The following WDR70 variants were observed in gnomAD, a reference collection of about 807,000 sequenced individuals.
The protein encoded by WDR70 is WD repeat domain 70.
In WDR70, 53 loss-of-function variants were observed where a neutral mutation model predicts 88.6. The ratio of observed to expected loss-of-function variants is 0.60; its 90% CI spans 0.48 to 0.75. The LOEUF (loss-of-function observed/expected upper bound fraction) is 0.75, where lower values mean the gene tolerates loss of function less well. WDR70 is among the 30% of genes least tolerant of loss of function. WDR70 has a pLI of 0.00. For synonymous variants in WDR70, 280 were observed against 270.0 expected (o/e 1.04, Z -0.36); for missense variants, 610 against 823.2 (o/e 0.74, Z 3.17).
intron 7 of WDR70, among the ~76,000 whole-genome samples, chr5:37,448,521 A>G (rs1738569855): frequency 6.6e-6 from 1 of 152,216 alleles, no homozygotes; most frequent in Admixed American, 6.5e-5. Context: ...TTACAAGGTC[A>G]CTTTGATATT....
intron 10 of WDR70, among the ~76,000 whole-genome samples, chr5:37,672,026 A>G (rs543988170): frequency 3.9e-5 from 6 of 152,306 alleles, no homozygotes; most frequent in African/African-American, 1.2e-4. Flanking sequence ...TTTAGCCCCA[A>G]CCCTGTGCTC....
chr5:37,552,593 A>T (rs912022240), intron 9 of WDR70, among the ~76,000 whole-genome samples: 1 of 152,228 alleles, frequency 6.6e-6, no homozygotes, highest in African/African-American at 2.4e-5. Context: ...CAGGAATAAG[A>T]GGCAAAAAAG....
chr5:37,752,159 A>T (rs529628557), intron 17 of WDR70, among the ~76,000 whole-genome samples: 32 of 152,286 alleles, frequency 2.1e-4, no homozygotes, highest in Non-Finnish European at 4.4e-5. Context: ...ATACGGTCCC[A>T]GTTACCCAGA....
chr5:37,593,850 C>T (rs976740638), intron 9 of WDR70, among the ~76,000 whole-genome samples: 6 of 152,062 alleles, frequency 3.9e-5, no homozygotes, highest in African/African-American at 9.7e-5. Context: ...TTCTTACTGG[C>T]GTAAGATGGT....
chr5:37,446,926 C>A (rs1362689510), intron 7 of WDR70, among the ~76,000 whole-genome samples: 2 of 152,088 alleles, frequency 1.3e-5, no homozygotes, highest in Non-Finnish European at 2.9e-5. Flanking sequence ...TAACAAAAGC[C>A]AAAATTGACA....
intron 10 of WDR70, among the ~76,000 whole-genome samples, chr5:37,651,960 A>G (rs191804084): frequency 1.9e-4 from 29 of 152,278 alleles, no homozygotes; most frequent in African/African-American, 6.5e-4. Flanking sequence ...TCTTTAGTTT[A>G]ATTAAATCCC....
intron 10 of WDR70, among the ~76,000 whole-genome samples, chr5:37,625,301 T>G (rs1378174735): frequency 1.3e-5 from 2 of 152,200 alleles, no homozygotes. Flanking sequence ...ACCAATAGTG[T>G]ATGAGTTCCC....
chr5:37,546,660 T>G (rs1317944122), intron 9 of WDR70, among the ~76,000 whole-genome samples: 1 of 152,228 alleles, frequency 6.6e-6, no homozygotes, highest in Non-Finnish European at 1.5e-5. Flanking sequence ...GGCTCACGCC[T>G]GTAATCCCAG....
chr5:37,537,629 T>C (rs558304787), intron 9 of WDR70, among the ~76,000 whole-genome samples: 1 of 152,282 alleles, frequency 6.6e-6, no homozygotes, highest in South Asian at 2.1e-4. Context: ...CTTTTAATTT[T>C]ATTATTGGTT....
At chr5:37,681,771 A>T (rs1476767319) in intron 10 of WDR70, among the ~76,000 whole-genome samples, 2 of 152,116 alleles carry the variant, frequency 1.3e-5, no homozygotes, top group Non-Finnish European at 2.9e-5. Context: ...CATCTAGGGG[A>T]TGAGGCCTGC....
intron 10 of WDR70, among the ~76,000 whole-genome samples, chr5:37,606,498 A>G (rs936493363): frequency 9.2e-5 from 14 of 152,176 alleles, no homozygotes; most frequent in African/African-American, 2.9e-4. Context: ...TGTTTTTTGT[A>G]TAGTGTATAT....
intron 9 of WDR70, among the ~76,000 whole-genome samples, chr5:37,528,332 A>G (rs188043387): frequency 6.6e-6 from 1 of 152,314 alleles, no homozygotes; most frequent in East Asian, 1.9e-4. Context: ...CGTTGTATGG[A>G]CATGGATGAA....
intron 10 of WDR70, among the ~76,000 whole-genome samples, chr5:37,623,075 T>G (rs553591168): frequency 1.3e-5 from 2 of 152,266 alleles, no homozygotes; most frequent in African/African-American, 4.8e-5. Flanking sequence ...AGGCAAAAGT[T>G]ATGGCGGTAT....
At chr5:37,680,117 T>C (rs1333117825) in intron 10 of WDR70, among the ~76,000 whole-genome samples, 3 of 152,190 alleles carry the variant, frequency 2.0e-5, no homozygotes, top group African/African-American at 7.2e-5. Context: ...TATCTCATTG[T>C]GGTTTTGATT....
At chr5:37,729,343 C>T (rs1748075621) in intron 17 of WDR70, among the ~76,000 whole-genome samples, 1 of 150,706 alleles carries the variant, frequency 6.6e-6, no homozygotes, top group Admixed American at 6.6e-5. Flanking sequence ...CTAGGAAATA[C>T]ATGTATGCAT....
At chr5:37,461,124 A>G (rs1032112709) in intron 7 of WDR70, among the ~76,000 whole-genome samples, 17 of 138,004 alleles carry the variant, frequency 1.2e-4, no homozygotes, top group African/African-American at 5.8e-4. Flanking sequence ...AAAAAAAAAA[A>G]ATAAAGGGTT....
At chr5:37,434,716 G>A (rs865990273) in intron 5 of WDR70, among the ~76,000 whole-genome samples, 1 of 152,160 alleles carries the variant, frequency 6.6e-6, no homozygotes, top group African/African-American at 2.4e-5. Context: ...AGACCACAGA[G>A]CCTGGGAAAT....
intron 9 of WDR70, among the ~76,000 whole-genome samples, chr5:37,589,917 T>C (rs1344390349): frequency 6.6e-6 from 1 of 152,162 alleles, no homozygotes; most frequent in Non-Finnish European, 1.5e-5. Flanking sequence ...CTGCTTGATT[T>C]AATGAAATAA....
intron 9 of WDR70, among the ~76,000 whole-genome samples, chr5:37,540,232 G>A (rs949210682): frequency 6.6e-6 from 1 of 152,188 alleles, no homozygotes; most frequent in African/African-American, 2.4e-5. Context: ...AAATACGTTT[G>A]CTGAATGATT....
Sources: gnomAD v4.1 joint callset for allele counts (sites outside exome capture counted in the v4.1 genomes callset) on GRCh38, gnomAD v4.1.1 for gene constraint, MANE v1.5 for transcripts, NCBI Gene and HGNC (gene_info 2026-07-23, HGNC 2026-07-21) for gene names.